The following TXNRD3 variants were observed in gnomAD, a reference collection of about 807,000 sequenced individuals.
TXNRD3 encodes the protein thioredoxin reductase 3.
TXNRD3 carries 68 observed loss-of-function variants against 78.2 expected under a neutral mutation model. That is an observed-to-expected ratio of 0.87 (90% confidence interval 0.72 to 1.06). The LOEUF (loss-of-function observed/expected upper bound fraction) is 1.06. Among genes scored for constraint, TXNRD3 ranks in the 50% least tolerant of loss-of-function variants. The pLI, the probability that TXNRD3 is intolerant of heterozygous loss-of-function variation, is 0.00. For synonymous variants in TXNRD3, 296 were observed against 300.1 expected, an observed-to-expected ratio of 0.99 and a Z score of 0.14; for missense variants, 751 against 809.5, an observed-to-expected ratio of 0.93 and a Z score of 0.88.
chr3:126,642,292 T>C, intron 5 of TXNRD3, 141 bp from the exon 6 acceptor site: 1 of 1,104,410 alleles, frequency 9.1e-7, no homozygotes, highest in Non-Finnish European at 1.2e-6. Flanking sequence ...ACACAAGGGA[T>C]TAACCCAAAT....
chr3:126,647,421 G>GGTTTTT (rs1194615762), intron 1 of TXNRD3, 125 bp from the exon 2 acceptor site: 17 of 704,506 alleles, frequency 2.4e-5, no homozygotes, highest in Non-Finnish European at 2.5e-5. Flanking sequence ...GCCAACGTGT[G>GGTTTTT]GTTTTTGTTT....
Position 126,608,615 on chromosome 3 carries a change from G to C in TXNRD3, c.1747C>G (p.His583Asp), listed in dbSNP as rs1576277392. ...TCACCGGCGTTTGGTCCAAGAATATGAAATCCTATCACCCGATCCTTTAAT... is the reference window on the plus strand; with the variant it reads ...TCACCGGCGTTTGGTCCAAGAATATCAAATCCTATCACCCGATCCTTTAAT... Residue 583 changes from histidine (H) to aspartate (D), a missense_variant, in exon 15 of 16, where the codon CAT becomes GAT. Physicochemically the swap from His to Asp is moderately conservative, Grantham distance 81. Transcript: ENST00000524230. The C allele has an allele frequency of 6.5e-7, 1 of 1,535,500 alleles. No individual in the cohort carries two copies. The highest frequency in any genetic ancestry group is 1.2e-5 in the South Asian group (1 of 83,930).
intron 5 of TXNRD3, among the ~76,000 whole-genome samples, chr3:126,643,189 G>T (rs1256353969): frequency 6.6e-6 from 1 of 152,172 alleles, no homozygotes; most frequent in African/African-American, 2.4e-5. Context: ...TTACCCCAAA[G>T]TGGCCAAGCT....
intron 1 of TXNRD3, among the ~76,000 whole-genome samples, chr3:126,653,467 AC>A (rs1933436906): frequency 6.6e-6 from 1 of 152,276 alleles, no homozygotes; most frequent in Non-Finnish European, 1.5e-5. Context: ...GCATGAACAC[AC>A]TGGACTTCAT....
intron 1 of TXNRD3, among the ~76,000 whole-genome samples, chr3:126,648,465 T>A (rs1262331942): frequency 6.6e-6 from 1 of 152,108 alleles, no homozygotes; most frequent in East Asian, 1.9e-4. Context: ...GATACAGTAA[T>A]CAAAACAGTG....
At chr3:126,630,996 A>T in intron 8 of TXNRD3, 59 bp from the exon 9 acceptor site, 1 of 1,458,094 alleles carries the variant, frequency 6.9e-7, no homozygotes, top group Non-Finnish European at 9.2e-7. Context: ...TGAGTTATTC[A>T]TGTTTCAGTG....
At chr3:126,614,927 G>A (rs919886907) in intron 13 of TXNRD3, among the ~76,000 whole-genome samples, 1 of 152,148 alleles carries the variant, frequency 6.6e-6, no homozygotes, top group African/African-American at 2.4e-5. Context: ...GACAGGGTTG[G>A]GGGGTAAACA....
chr3:126,643,611 A>G (rs1933146572), intron 5 of TXNRD3, among the ~76,000 whole-genome samples: 1 of 152,344 alleles, frequency 6.6e-6, no homozygotes, highest in East Asian at 1.9e-4. Context: ...TACTGTGGTC[A>G]TGGAATTTTT....
chr3:126,621,151 C>T (rs1386539575), intron 12 of TXNRD3, among the ~76,000 whole-genome samples: 1 of 152,176 alleles, frequency 6.6e-6, no homozygotes, highest in African/African-American at 2.4e-5. Flanking sequence ...AAGCTCATCC[C>T]AAATTATTTG....
intron 6 of TXNRD3, among the ~76,000 whole-genome samples, chr3:126,641,250 C>T (rs976919144): frequency 3.9e-5 from 6 of 152,114 alleles, no homozygotes; most frequent in African/African-American, 1.4e-4. Context: ...CTTAGCTTGA[C>T]AGTAGGACTC....
Position 126,654,791 on chromosome 3 carries a change from C to G in TXNRD3, c.200G>C (p.Arg67Pro). 1.4e-6 allele frequency: 2 copies of G among 1,431,082 alleles called. No homozygotes were observed. Among genetic ancestry groups the G allele is most frequent in the Non-Finnish European group, 1.8e-6 (2 of 1,093,322 alleles). 88.6% of individuals were successfully genotyped at this position (1,431,082 alleles called of 1,614,324 possible). ...GTAGCTCTTGCTGAAGATCACCACC[C>G]GGCTGCGCTCGATGAGGCCCACGAG... The change falls in exon 1 of 16, where the codon CGG becomes CCG. Residue 67 changes from arginine to proline, a missense_variant. Transcript: ENST00000524230.
chr3:126,646,028 C>T, intron 3 of TXNRD3, 83 bp downstream of exon 3: 2 of 1,050,090 alleles, frequency 1.9e-6, no homozygotes, highest in Non-Finnish European at 2.6e-6. Context: ...TGAGTGGACT[C>T]CTAAAAACCA....
chr3:126,649,518 GA>G (rs1450444388), intron 1 of TXNRD3, among the ~76,000 whole-genome samples: 4 of 152,164 alleles, frequency 2.6e-5, no homozygotes, highest in Admixed American at 1.3e-4. Context: ...ACTGAAAGCA[GA>G]GACTCAAATA....
intron 6 of TXNRD3, among the ~76,000 whole-genome samples, chr3:126,639,871 G>A (rs1933018401): frequency 6.6e-6 from 1 of 152,100 alleles, no homozygotes; most frequent in African/African-American, 2.4e-5. Flanking sequence ...TGGGATTATA[G>A]GTGTGAGTCA....
intron 12 of TXNRD3, among the ~76,000 whole-genome samples, chr3:126,621,210 A>G (rs1938448292): frequency 6.6e-6 from 1 of 152,248 alleles, no homozygotes; most frequent in Admixed American, 6.5e-5. Flanking sequence ...CATCTGATTC[A>G]CATCCTTGGC....
intron 13 of TXNRD3, among the ~76,000 whole-genome samples, chr3:126,612,478 T>TTTTG (rs765999070): frequency 7.2e-5 from 11 of 152,148 alleles, no homozygotes; most frequent in East Asian, 1.9e-4. Flanking sequence ...CAGGTTTGTT[T>TTTTG]TTTGTTTGTT....
intron 13 of TXNRD3, 104 bp from the exon 14 acceptor site, chr3:126,611,236 C>T (rs760793245): frequency 1.9e-5 from 13 of 679,812 alleles, no homozygotes; most frequent in East Asian, 1.4e-4. Context: ...TAGCAGCTTT[C>T]GGAAATTCAA....
chr3:126,638,741 A>G lies in TXNRD3; in HGVS notation c.712+3291T>C, dbSNP rs191088543. ...CATAGTGAAACTCCTCTGTCTCAAA[A>G]AAAAGAAAAAAGAAAGTATTTTGTA... is the stretch of plus-strand genomic sequence containing the variant. On this transcript the variant is annotated intron_variant, in intron 6 of 15. Coordinates refer to ENST00000524230, the MANE Select transcript of TXNRD3 (RefSeq NM_052883.3). Among the ~76,000 whole-genome samples the G allele has an allele frequency of 1.8e-3, 271 of 152,338 alleles. 1 individual carries two copies. The highest frequency in any genetic ancestry group is 0.015 in the South Asian group (71 of 4,826).
At position 126,629,888 on chromosome 3, in the gene TXNRD3, A is replaced by G. The variant is rs1030755275; in HGVS notation, c.1198-417T>C. 5.9e-5 allele frequency among the ~76,000 whole-genome samples: 9 copies of G among 152,370 alleles called. 1 individual carries two copies. The highest frequency in any genetic ancestry group is 4.1e-4 in the South Asian group (2 of 4,828). On this transcript the variant is annotated intron_variant, in intron 9 of 15. Coordinates refer to ENST00000524230, the MANE Select transcript of TXNRD3 (RefSeq NM_052883.3). ...ATTCAAGTGGCAATTTCTAGTAGGCAGTAGTATAAATGAGTATGGAATTCA... is the reference window on the plus strand; with the variant it reads ...ATTCAAGTGGCAATTTCTAGTAGGCGGTAGTATAAATGAGTATGGAATTCA...
Sources: allele counts gnomAD v4.1 joint callset (sites outside exome capture counted in the v4.1 genomes callset), GRCh38; gene constraint gnomAD v4.1.1; transcripts MANE v1.5; gene names NCBI Gene and HGNC (gene_info 2026-07-23, HGNC 2026-07-21).